Variants in ECT2L observed in about 807,000 individuals in gnomAD.
The protein encoded by ECT2L is epithelial cell-transforming sequence 2 oncogene-like.
In ECT2L, 126 loss-of-function variants were observed where a neutral mutation model predicts 122.8. The observed-to-expected ratio is 1.03, with a 90% CI of 0.89 to 1.19. The LOEUF (loss-of-function observed/expected upper bound fraction) is 1.19. ECT2L is among the 50% of genes most tolerant of loss of function. The probability of loss-of-function intolerance (pLI) is 0.00; values close to 1 mark genes in which losing one functional copy is unlikely to be tolerated. For synonymous variants in ECT2L, 385 were observed against 381.8 expected (o/e 1.01, Z -0.10); for missense variants, 1,012 against 1,064.1 (o/e 0.95, Z 0.68).
chr6:138,869,370 CAT>C (rs1778162791), intron 13 of ECT2L, among the ~76,000 whole-genome samples: 1 of 152,220 alleles, frequency 6.6e-6, no homozygotes, highest in South Asian at 2.1e-4. Flanking sequence ...TCTCTGCACA[CAT>C]TCTCTCTCTC....
intron 6 of ECT2L, 116 bp downstream of exon 6, chr6:138,843,347 T>C: frequency 9.3e-7 from 1 of 1,069,924 alleles, no homozygotes; most frequent in Non-Finnish European, 1.3e-6. Flanking sequence ...AGTGGCAGTC[T>C]TAAGTATTTT....
intron 4 of ECT2L, among the ~76,000 whole-genome samples, chr6:138,831,842 A>G (rs1313105623): frequency 1.3e-5 from 2 of 152,222 alleles, no homozygotes; most frequent in Admixed American, 1.3e-4. Context: ...ATTTAATTAA[A>G]CAATTTTAGA....
At chr6:138,895,125 T>C (rs1306857758) in intron 20 of ECT2L, among the ~76,000 whole-genome samples, 3 of 151,946 alleles carry the variant, frequency 2.0e-5, no homozygotes, top group Non-Finnish European at 4.4e-5. Context: ...TGAAATTAGG[T>C]AAATGCAAAA....
rs536976673 is a variant in ECT2L at position 138,812,532 on chromosome 6, A to C, written c.-243-306A>C. On this transcript the variant is annotated intron_variant, in intron 1 of 21. Transcript: ENST00000541398. ...CAAATTCTTACTTTCAGACAGATGCAGTGGCTCATGCCTGTAATCCCAGCA... is the reference window on the plus strand; with the variant it reads ...CAAATTCTTACTTTCAGACAGATGCCGTGGCTCATGCCTGTAATCCCAGCA... Among the ~76,000 whole-genome samples the C allele has an allele frequency of 2.0e-5, 3 of 152,340 alleles. No homozygotes were observed. In the East Asian group the frequency reaches 5.8e-4, roughly 29 times the overall value.
Position 138,878,693 on chromosome 6 carries a change from C to T in ECT2L, c.1665+2135C>T, listed in dbSNP as rs1201540905. On this transcript the variant is annotated intron_variant, in intron 14 of 21. Coordinates refer to ENST00000541398, the MANE Select transcript of ECT2L (RefSeq NM_001077706.3). ...AACTCCTGAGCTCAGGTGATCCACCCGCCTCAGCCTCCCAAGGTGCTGGGA... is the reference window on the plus strand; with the variant it reads ...AACTCCTGAGCTCAGGTGATCCACCTGCCTCAGCCTCCCAAGGTGCTGGGA... Among the ~76,000 whole-genome samples, 4 of 151,822 alleles carry T rather than the reference C, an allele frequency of 2.6e-5. No homozygotes were observed. The South Asian group carries it at 6.2e-4, about 24-fold the overall frequency.
chr6:138,901,164 C>T (rs1277120188), intron 21 of ECT2L, 44 bp downstream of exon 21: 13 of 1,584,214 alleles, frequency 8.2e-6, no homozygotes, highest in Admixed American at 1.7e-5. Flanking sequence ...CTTCAAAAAG[C>T]TATATAATGT....
chr6:138,830,428 T>C (rs1388109439), intron 4 of ECT2L, among the ~76,000 whole-genome samples: 1 of 152,128 alleles, frequency 6.6e-6, no homozygotes, highest in African/African-American at 2.4e-5. Context: ...TGTGTTCCAG[T>C]AACATTTTGC....
At chr6:138,826,901 T>C (rs980033891) in intron 4 of ECT2L, among the ~76,000 whole-genome samples, 4 of 152,164 alleles carry the variant, frequency 2.6e-5, no homozygotes, top group African/African-American at 9.7e-5. Flanking sequence ...CTCTTGCTCC[T>C]GCTTTCTTCA....
chr6:138,857,600 G>A (rs1244814327), intron 10 of ECT2L, among the ~76,000 whole-genome samples: 1 of 152,106 alleles, frequency 6.6e-6, no homozygotes, highest in African/African-American at 2.4e-5. Context: ...AGCATCTGAT[G>A]CAGAGGAACG....
chr6:138,851,013 A>AAAAAAAAAAAAAAAAAAAAAAAAAAAAG (rs1562474231), intron 9 of ECT2L, among the ~76,000 whole-genome samples: 1 of 148,224 alleles, frequency 6.7e-6, no homozygotes, highest in African/African-American at 2.6e-5. Context: ...AAAAAAAAAA[A>AAAAAAAAAAAAAAAAAAAAAAAAAAAAG]AAAAAAAAAA....
At chr6:138,832,044 T>C (rs561479453) in intron 4 of ECT2L, among the ~76,000 whole-genome samples, 1 of 152,346 alleles carries the variant, frequency 6.6e-6, no homozygotes, top group Non-Finnish European at 1.5e-5. Flanking sequence ...TTTATCATTT[T>C]AAATGACTTT....
Position 138,880,986 on chromosome 6 carries a change from A to C in ECT2L, c.1695A>C (p.Glu565Asp). The C allele has an allele frequency of 6.2e-7, 1 of 1,614,162 alleles. No homozygotes were observed. The highest frequency in any genetic ancestry group is 8.5e-7 in the Non-Finnish European group (1 of 1,179,988). The change falls in exon 15 of 22, where the codon GAA becomes GAC. Residue 565 changes from glutamate to aspartate, a missense_variant. By Grantham distance (45) the Glu-to-Asp change is conservative. Transcript: ENST00000541398. ...GAATACTCCAGAAGGACTCAGCAGA[A>C]AAGCGAGCTAGAGTTGTCAGAGAAC... Reference protein sequence around the residue: ...LERILQKDSAEKRARVVRELL... With the variant: ...LERILQKDSADKRARVVRELL...
intron 20 of ECT2L, among the ~76,000 whole-genome samples, chr6:138,896,502 T>C (rs1779218272): frequency 6.6e-6 from 1 of 152,164 alleles, no homozygotes; most frequent in Admixed American, 6.5e-5. Context: ...TTCTCAAGGA[T>C]ACTAGACTTT....
chr6:138,836,084 G>T (rs894470914), intron 4 of ECT2L, among the ~76,000 whole-genome samples: 14 of 152,010 alleles, frequency 9.2e-5, no homozygotes, highest in African/African-American at 3.1e-4. Flanking sequence ...AGTGGATCGC[G>T]TCGGGGGGCA....
intron 1 of ECT2L, among the ~76,000 whole-genome samples, chr6:138,798,414 C>T (rs544155489): frequency 1.3e-5 from 2 of 152,204 alleles, no homozygotes; most frequent in Admixed American, 1.3e-4. Flanking sequence ...CAGGAAATTC[C>T]AAGGGATTTC....
intron 4 of ECT2L, among the ~76,000 whole-genome samples, chr6:138,835,122 T>A (rs568314048): frequency 4.1e-4 from 61 of 149,506 alleles, no homozygotes; most frequent in African/African-American, 1.4e-3. Flanking sequence ...TGAAGCAAAC[T>A]TAAAAAAAAA....
At chr6:138,901,199 A>T in intron 21 of ECT2L, 79 bp downstream of exon 21, 2 of 1,390,122 alleles carry the variant, frequency 1.4e-6, no homozygotes, top group Non-Finnish European at 2.0e-6. Flanking sequence ...GAACAGTAGA[A>T]AAAGGACTGG....
At chr6:138,841,350 T>C (rs1777033548) in intron 5 of ECT2L, among the ~76,000 whole-genome samples, 1 of 152,212 alleles carries the variant, frequency 6.6e-6, no homozygotes, top group Admixed American at 6.5e-5. Flanking sequence ...CTCTGGGTGA[T>C]GTTTTCTTCC....
At chr6:138,865,824 C>G (rs12200387) in intron 12 of ECT2L, among the ~76,000 whole-genome samples, 44,938 of 152,158 alleles carry the variant, frequency 0.3, 7,199 homozygotes, top group Admixed American at 0.39. Context: ...CATATCTATT[C>G]AATTTTTCCC....
Sources: allele counts gnomAD v4.1 joint callset (sites outside exome capture counted in the v4.1 genomes callset), GRCh38; gene constraint gnomAD v4.1.1; transcripts MANE v1.5; gene names NCBI Gene and HGNC (gene_info 2026-07-23, HGNC 2026-07-21).